Variants in CHEK2 observed in about 807,000 individuals in gnomAD.
The protein encoded by CHEK2 is checkpoint kinase 2, also known as serine/threonine-protein kinase Chk2.
A neutral mutation model predicts 69.1 loss-of-function variants in CHEK2; 71 were observed. The observed-to-expected ratio is 1.03, with a 90% CI of 0.85 to 1.25. The LOEUF is 1.25. Among genes scored for constraint, CHEK2 ranks in the 50% most tolerant of loss-of-function variants. The probability of loss-of-function intolerance (pLI) is 0.00; values close to 1 mark genes in which losing one functional copy is unlikely to be tolerated. For synonymous variants in CHEK2, 189 were observed against 226.9 expected (o/e 0.83, Z 1.50); for missense variants, 664 against 649.6 (o/e 1.02, Z -0.24).
At chr22:28,711,587 T>A (rs551864053) in intron 6 of CHEK2, among the ~76,000 whole-genome samples, 1 of 152,272 alleles carries the variant, frequency 6.6e-6, no homozygotes, top group East Asian at 1.9e-4. Flanking sequence ...GGATTATGGC[T>A]GAATTTTTTT....
At chr22:28,722,273 G>T (rs2146031344) in intron 4 of CHEK2, among the ~76,000 whole-genome samples, 1 of 151,874 alleles carries the variant, frequency 6.6e-6, no homozygotes, top group African/African-American at 2.4e-5. Flanking sequence ...GGGCGCGGTG[G>T]CTCACGCCTG....
chr22:28,701,688 A>G (rs1201457632), intron 8 of CHEK2, among the ~76,000 whole-genome samples: 1 of 152,178 alleles, frequency 6.6e-6, no homozygotes, highest in Non-Finnish European at 1.5e-5. Context: ...GATTACACCA[A>G]ATAACACAAG....
intron 4 of CHEK2, 119 bp downstream of exon 4, chr22:28,724,858 G>A (rs763873826): frequency 1.6e-5 from 17 of 1,080,358 alleles, no homozygotes; most frequent in Non-Finnish European, 2.1e-5. Context: ...GAGCCACCAC[G>A]CCCAGCAACT....
chr22:28,699,796 A>G lies in CHEK2; in HGVS notation c.1008+42T>C, dbSNP rs1046991530. On this transcript the variant is annotated intron_variant, in intron 9 of 14. Coordinates refer to ENST00000404276, the MANE Select transcript of CHEK2 (RefSeq NM_007194.4). ...GCCTAATTCAGGGAGTAATTCAACT[A>G]AAAGAAAGGCAGCTGTCAAAAGAAT... 3.0e-6 allele frequency: 4 copies of G among 1,355,786 alleles called. No homozygotes were observed. In the Admixed American group the frequency reaches 5.0e-5, roughly 17 times the overall value. 84.0% of individuals were successfully genotyped at this position (1,355,786 alleles called of 1,614,324 possible). A position where few individuals can be genotyped will look rare whatever the true frequency, so the allele number is the denominator to read the frequency against.
At chr22:28,708,820 G>A (rs534279074) in intron 7 of CHEK2, 16 of 218,986 alleles carry the variant, frequency 7.3e-5, no homozygotes, top group African/African-American at 2.8e-4. Context: ...AAAATTAGCC[G>A]GGCGTGGTGG....
chr22:28,697,291 G>A (rs1441545154), intron 9 of CHEK2, among the ~76,000 whole-genome samples: 2 of 152,016 alleles, frequency 1.3e-5, no homozygotes. Context: ...AAATTCAAAT[G>A]GGTAACAGAA....
At chr22:28,733,132 G>A (rs2054267577) in intron 2 of CHEK2, among the ~76,000 whole-genome samples, 1 of 152,186 alleles carries the variant, frequency 6.6e-6, no homozygotes, top group Non-Finnish European at 1.5e-5. Flanking sequence ...CATATGCAGA[G>A]CAAAACTTAC....
At chr22:28,694,337 C>CGTCAGTCA (rs1331836432) in intron 12 of CHEK2, among the ~76,000 whole-genome samples, 2 of 152,128 alleles carry the variant, frequency 1.3e-5, no homozygotes, top group African/African-American at 4.8e-5. Context: ...GCTGCTGGGA[C>CGTCAGTCA]GTCAGTCACG....
At chr22:28,719,036 T>C (rs754040757) in intron 5 of CHEK2, among the ~76,000 whole-genome samples, 1 of 151,942 alleles carries the variant, frequency 6.6e-6, no homozygotes, top group Non-Finnish European at 1.5e-5. Context: ...AGACCAGCCC[T>C]GGCAACACAG....
intron 5 of CHEK2, among the ~76,000 whole-genome samples, chr22:28,715,294 C>T (rs1318573715): frequency 2.6e-5 from 4 of 152,134 alleles, no homozygotes; most frequent in African/African-American, 7.2e-5. Context: ...AGCTCTTAGA[C>T]GCAGTCAACC....
intron 8 of CHEK2, among the ~76,000 whole-genome samples, chr22:28,700,965 T>G (rs1367035962): frequency 4.6e-5 from 7 of 151,886 alleles, no homozygotes; most frequent in African/African-American, 1.7e-4. Flanking sequence ...AATTTTGTAT[T>G]TTTAGTAGAG....
At chr22:28,732,804 T>C (rs978723577) in intron 2 of CHEK2, among the ~76,000 whole-genome samples, 1 of 152,072 alleles carries the variant, frequency 6.6e-6, no homozygotes, top group African/African-American at 2.4e-5. Context: ...CATTGCAATG[T>C]AAGCGAAAGG....
In CHEK2 at chr22:28,736,385, T is replaced by G. The variant is rs144063786; in HGVS notation, c.-6-1658A>C. Among the ~76,000 whole-genome samples the G allele has an allele frequency of 7.7e-3, 1,167 of 152,270 alleles. 16 individuals carry two copies. Among genetic ancestry groups the G allele is most frequent in the African/African-American group, 0.027 (1,126 of 41,554 alleles). ...TTTTCCCCCAGGCTTGCTCCTAAAG[T>G]GAAACACACCTGTTCGTTCAATCTA... On this transcript the variant is annotated intron_variant, in intron 1 of 14. Coordinates refer to ENST00000404276, the MANE Select transcript of CHEK2 (RefSeq NM_007194.4).
In CHEK2 at chr22:28,730,407, G is replaced by A. The variant is rs750541768; in HGVS notation, c.319+3996C>T. On this transcript the variant is annotated intron_variant, in intron 2 of 14. Transcript: ENST00000404276. Reference sequence around the variant, plus strand: ...AGAAAGGGAAAGGGAAAGACCCACAGCTAACATCATACTTAGACTGCAAAC... The same window carrying A: ...AGAAAGGGAAAGGGAAAGACCCACAACTAACATCATACTTAGACTGCAAAC... 31 of 622,004 alleles carry A rather than the reference G, an allele frequency of 5.0e-5. 1 individual carries two copies. The South Asian group carries it at 5.4e-4, about 11-fold the overall frequency. 38.5% of individuals were successfully genotyped at this position (622,004 alleles called of 1,614,324 possible).
chr22:28,737,600 G>T (rs552997412), intron 1 of CHEK2, among the ~76,000 whole-genome samples: 47 of 151,538 alleles, frequency 3.1e-4, no homozygotes, highest in Non-Finnish European at 4.3e-4. Context: ...CTTCCAAGTA[G>T]TTGGGATTAC....
rs587782070 is a variant in CHEK2 at position 28,734,443 on chromosome 22, C to A, written c.279G>T (p.Trp93Cys). The A allele has an allele frequency of 1.2e-6, 2 of 1,613,852 alleles. No homozygotes were observed. Among genetic ancestry groups the A allele is most frequent in the South Asian group, 2.2e-5 (2 of 91,052 alleles). ...CATCCTGAAGGGCCCATAATCGAGC[C>A]CAGGGGGCAGGGGTAGGCTCCTCAG... The part of the protein sequence containing the change: ...QEPEEPTPAP[W>C]ARLWALQDGF... The change falls in exon 2 of 15, where the codon TGG becomes TGT. Residue 93 changes from tryptophan (W) to cysteine (C), a missense_variant. By Grantham distance (215) the Trp-to-Cys change is radical. Coordinates refer to ENST00000404276, the MANE Select transcript of CHEK2 (RefSeq NM_007194.4).
chr22:28,707,163 A>G (rs2053184149), intron 7 of CHEK2, among the ~76,000 whole-genome samples: 1 of 152,132 alleles, frequency 6.6e-6, no homozygotes, highest in Non-Finnish European at 1.5e-5. Flanking sequence ...GGGCTGTCAC[A>G]GCTAAAAGGG....
chr22:28,695,730 T>C lies in CHEK2; in HGVS notation c.1239A>G (p.Leu413=), dbSNP rs867238570. ...GYNRAVDCWS[L]GVILFICLSG... The stretch of plus-strand genomic sequence containing the variant: ...CTTACCAGATAAAAAGAATAACTCC[T>C]AAACTCCAGCAGTCCACAGCACGGT... Residue 413 remains leucine, a synonymous_variant, in exon 11 of 15, where the codon TTA becomes TTG. Coordinates refer to ENST00000404276, the MANE Select transcript of CHEK2 (RefSeq NM_007194.4). The C allele has an allele frequency of 6.2e-7, 1 of 1,613,782 alleles. No individual in the cohort carries two copies. The highest frequency in any genetic ancestry group is 2.2e-5 in the East Asian group (1 of 44,882).
intron 5 of CHEK2, among the ~76,000 whole-genome samples, chr22:28,719,142 G>A (rs2053680469): frequency 6.6e-6 from 1 of 151,990 alleles, no homozygotes; most frequent in Non-Finnish European, 1.5e-5. Context: ...GCCACAGTGA[G>A]CTCTGATCGT....
Sources: allele counts gnomAD v4.1 joint callset (sites outside exome capture counted in the v4.1 genomes callset), GRCh38; gene constraint gnomAD v4.1.1; transcripts MANE v1.5; gene names NCBI Gene and HGNC (gene_info 2026-07-23, HGNC 2026-07-21).